VPS13B: variants seen among roughly 807,000 people sequenced by gnomAD.
VPS13B encodes vacuolar protein sorting 13 homolog B, also known as intermembrane lipid transfer protein VPS13B.
VPS13B carries 285 observed loss-of-function variants against 426.4 expected under a neutral mutation model. That is an observed-to-expected ratio of 0.67 (90% CI 0.61 to 0.74). VPS13B has a LOEUF of 0.74. VPS13B is among the 30% of genes least tolerant of loss of function. The pLI is 0.00. For missense variants in VPS13B, 4,537 were observed against 4,782.6 expected (o/e 0.95, Z 1.51); for synonymous variants, 1,676 against 1,676.4 (o/e 1.00, Z 0.01).
chr8:99,836,674 G>A (rs1013335242), intron 54 of VPS13B, among the ~76,000 whole-genome samples: 4 of 152,112 alleles, frequency 2.6e-5, no homozygotes, highest in African/African-American at 9.7e-5. Flanking sequence ...TAGTTCATCT[G>A]GTCTTCACGA....
chr8:99,242,593 A>G (rs1168835300), intron 17 of VPS13B, among the ~76,000 whole-genome samples: 2 of 152,158 alleles, frequency 1.3e-5, no homozygotes, highest in Non-Finnish European at 2.9e-5. Flanking sequence ...ACGTTGTCAT[A>G]TGTAATCTTG....
At chr8:99,401,287 C>T (rs1323749466) in intron 21 of VPS13B, among the ~76,000 whole-genome samples, 1 of 152,050 alleles carries the variant, frequency 6.6e-6, no homozygotes, top group South Asian at 2.1e-4. Context: ...TTAGTTTTGT[C>T]TTTAATCCAT....
intron 33 of VPS13B, 159 bp downstream of exon 33, chr8:99,577,792 AT>A: frequency 9.4e-7 from 1 of 1,061,210 alleles, no homozygotes; most frequent in Non-Finnish European, 1.4e-6. Flanking sequence ...GATATTCTTT[AT>A]TTTAGAAATT....
At chr8:99,504,154 T>A (rs576296083) in intron 27 of VPS13B, among the ~76,000 whole-genome samples, 88 of 152,164 alleles carry the variant, frequency 5.8e-4, no homozygotes, top group Non-Finnish European at 9.8e-4. Flanking sequence ...AAGAGCTGGT[T>A]ATTTAAAAAG....
At chr8:99,770,872 C>A (rs1334826623) in intron 40 of VPS13B, among the ~76,000 whole-genome samples, 2 of 152,084 alleles carry the variant, frequency 1.3e-5, no homozygotes, top group Non-Finnish European at 1.5e-5. Flanking sequence ...AGACATCCAG[C>A]AAGTGCACAC....
At chr8:99,784,537 A>T (rs749690534) in intron 43 of VPS13B, 61 bp downstream of exon 43, 44 of 1,601,498 alleles carry the variant, frequency 2.7e-5, no homozygotes, top group Non-Finnish European at 3.7e-5. Flanking sequence ...TTTCTTCTGC[A>T]CTTGTGTGCC....
At chr8:99,016,858 G>A (rs1372873101) in intron 2 of VPS13B, among the ~76,000 whole-genome samples, 1 of 151,934 alleles carries the variant, frequency 6.6e-6, no homozygotes, top group African/African-American at 2.4e-5. Context: ...CCAAAGTGAT[G>A]GGTTACAGGC....
Position 99,096,354 on chromosome 8 carries a change from AC to A in VPS13B, c.335del (p.Thr112MetfsTer32). 6.2e-7 allele frequency: 1 copy of A among 1,614,158 alleles called. No homozygotes were observed. The highest frequency in any genetic ancestry group is 8.5e-7 in the Non-Finnish European group (1 of 1,180,000). On this transcript the variant is annotated frameshift_variant, in exon 4 of 62. Transcript: ENST00000357162. LOFTEE classifies it high-confidence loss of function. ...TGGTTCTAATTCTACCAACCGTAGT[AC>A]TGCTGAGAGCACAAAATCATCAATC... ...SCGSNSTNRS[T>X]AESTKSSIKP...
chr8:99,217,844 A>C (rs909302279), intron 17 of VPS13B, among the ~76,000 whole-genome samples: 1 of 152,216 alleles, frequency 6.6e-6, no homozygotes. Flanking sequence ...CTTATTATCT[A>C]TGGTGACTTT....
chr8:99,577,213 A>G (rs1014669499), intron 32 of VPS13B, among the ~76,000 whole-genome samples: 3 of 152,166 alleles, frequency 2.0e-5, no homozygotes, highest in Non-Finnish European at 4.4e-5. Flanking sequence ...GGAGTTATGG[A>G]AAAGTCAAAT....
At chr8:99,348,960 T>C (rs549789942) in intron 19 of VPS13B, among the ~76,000 whole-genome samples, 41 of 152,134 alleles carry the variant, frequency 2.7e-4, no homozygotes, top group Non-Finnish European at 4.0e-4. Flanking sequence ...ATGTCAGTTT[T>C]TCATACTTGA....
At chr8:99,503,843 A>G (rs1821359409) in intron 27 of VPS13B, among the ~76,000 whole-genome samples, 1 of 152,144 alleles carries the variant, frequency 6.6e-6, no homozygotes, top group Non-Finnish European at 1.5e-5. Context: ...CTTCTTACAA[A>G]CATCTGTTAA....
At chr8:99,868,114 A>C in intron 58 of VPS13B, 175 bp from the exon 59 acceptor site, 1 of 716,064 alleles carries the variant, frequency 1.4e-6, no homozygotes, top group East Asian at 2.8e-5. Flanking sequence ...GACGATAATA[A>C]ATGTCTACTG....
intron 43 of VPS13B, among the ~76,000 whole-genome samples, chr8:99,788,221 T>G (rs1812363681): frequency 6.7e-6 from 1 of 150,034 alleles, no homozygotes; most frequent in Non-Finnish European, 1.5e-5. Flanking sequence ...TTTAAAAATC[T>G]AAAAATTAAA....
chr8:99,650,484 C>G (rs1205895696), intron 34 of VPS13B, among the ~76,000 whole-genome samples: 2 of 152,160 alleles, frequency 1.3e-5, no homozygotes, highest in Non-Finnish European at 2.9e-5. Context: ...TGTGTATACT[C>G]TGTAGTGATG....
chr8:99,259,982 G>A (rs1817959383), intron 17 of VPS13B, among the ~76,000 whole-genome samples: 1 of 151,906 alleles, frequency 6.6e-6, no homozygotes, highest in Non-Finnish European at 1.5e-5. Context: ...AATAATTGAA[G>A]AAGTAAAAGA....
intron 31 of VPS13B, among the ~76,000 whole-genome samples, chr8:99,561,120 G>C (rs772317665): frequency 1.6e-4 from 25 of 152,258 alleles, no homozygotes; most frequent in Non-Finnish European, 3.2e-4. Flanking sequence ...TACCACCTCT[G>C]TCTAGTTCCA....
intron 20 of VPS13B, 71 bp from the exon 21 acceptor site, chr8:99,391,486 T>G: frequency 6.2e-7 from 1 of 1,610,788 alleles, no homozygotes; most frequent in East Asian, 2.2e-5. Context: ...TATTGCCATG[T>G]TTAACCTTTG....
chr8:99,263,441 G>A (rs1021095384), intron 17 of VPS13B, among the ~76,000 whole-genome samples: 3 of 152,112 alleles, frequency 2.0e-5, no homozygotes, highest in African/African-American at 2.4e-5. Context: ...TTGCAATTAC[G>A]TAGTTTAGAA....
Sources: gnomAD v4.1 joint callset for allele counts (sites outside exome capture counted in the v4.1 genomes callset) on GRCh38, gnomAD v4.1.1 for gene constraint, MANE v1.5 for transcripts, NCBI Gene and HGNC (gene_info 2026-07-23, HGNC 2026-07-21) for gene names.